INPP4B: variants seen among roughly 807,000 people sequenced by gnomAD.
INPP4B encodes the protein inositol polyphosphate 4-phosphatase type II.
Under a neutral mutation model 122.5 loss-of-function variants are expected in INPP4B, and 55 were observed. That is an observed-to-expected ratio of 0.45 (90% confidence interval 0.36 to 0.56). INPP4B has a LOEUF of 0.56. Among genes scored for constraint, INPP4B ranks in the 20% least tolerant of loss-of-function variants. The pLI, the probability that INPP4B is intolerant of heterozygous loss-of-function variation, is 0.00. For synonymous variants in INPP4B, 403 were observed against 388.7 expected, an observed-to-expected ratio of 1.04 and a Z score of -0.43; for missense variants, 1,000 against 1,097.7, an observed-to-expected ratio of 0.91 and a Z score of 1.26.
At chr4:142,265,905 A>G (rs1215957311) in intron 10 of INPP4B, among the ~76,000 whole-genome samples, 2 of 152,204 alleles carry the variant, frequency 1.3e-5, no homozygotes, top group Admixed American at 1.3e-4. Flanking sequence ...TGAAAAGAGT[A>G]TAATTTAATT....
chr4:142,407,655 A>G (rs1562032506), intron 5 of INPP4B, among the ~76,000 whole-genome samples: 1 of 152,160 alleles, frequency 6.6e-6, no homozygotes, highest in Admixed American at 6.5e-5. Context: ...CTTGGGCTGC[A>G]CTTTTTTCTT....
intron 1 of INPP4B, among the ~76,000 whole-genome samples, chr4:142,733,225 A>G (rs2150887955): frequency 6.6e-6 from 1 of 152,300 alleles, no homozygotes; most frequent in Non-Finnish European, 1.5e-5. Flanking sequence ...AGAAGAAAAT[A>G]TCTTTCCCTT....
At chr4:142,759,625 G>A (rs1481858518) in intron 1 of INPP4B, among the ~76,000 whole-genome samples, 3 of 151,790 alleles carry the variant, frequency 2.0e-5, no homozygotes, top group African/African-American at 4.8e-5. Context: ...CTGCTACTAA[G>A]TTCTAAAATT....
chr4:142,845,347 C>G (rs1158015983), intron 1 of INPP4B, among the ~76,000 whole-genome samples: 1 of 152,120 alleles, frequency 6.6e-6, no homozygotes, highest in Non-Finnish European at 1.5e-5. Context: ...CAGCTACCAG[C>G]CTGAAACTAC....
intron 23 of INPP4B, among the ~76,000 whole-genome samples, chr4:142,099,024 A>G (rs1561112554): frequency 6.6e-6 from 1 of 152,144 alleles, no homozygotes; most frequent in Non-Finnish European, 1.5e-5. Context: ...AAGCCAAGTG[A>G]CAAAAGAAGT....
chr4:142,464,283 CT>C (rs938987509), intron 2 of INPP4B, among the ~76,000 whole-genome samples: 4 of 152,030 alleles, frequency 2.6e-5, no homozygotes, highest in Non-Finnish European at 5.9e-5. Flanking sequence ...CAGTTACTAT[CT>C]TTTATAAAAT....
chr4:142,392,670 G>A (rs548599850), intron 7 of INPP4B, among the ~76,000 whole-genome samples: 11 of 152,306 alleles, frequency 7.2e-5, no homozygotes, highest in East Asian at 1.9e-4. Context: ...TATCCCTCAC[G>A]ATAGGCTCTA....
At chr4:142,736,535 T>C (rs1766930186) in intron 1 of INPP4B, among the ~76,000 whole-genome samples, 1 of 152,178 alleles carries the variant, frequency 6.6e-6, no homozygotes, top group South Asian at 2.1e-4. Flanking sequence ...GTTGGATTCC[T>C]AGGTATTTTA....
intron 7 of INPP4B, among the ~76,000 whole-genome samples, chr4:142,351,316 C>A (rs987725183): frequency 2.0e-5 from 3 of 151,988 alleles, no homozygotes; most frequent in African/African-American, 7.2e-5. Context: ...AAGCTGCATC[C>A]TACAGTTGCC....
At chr4:142,498,373 A>G (rs1179552784) in intron 2 of INPP4B, among the ~76,000 whole-genome samples, 1 of 152,012 alleles carries the variant, frequency 6.6e-6, no homozygotes, top group Non-Finnish European at 1.5e-5. Flanking sequence ...ACCACAAAGC[A>G]CTGTGATGGA....
intron 1 of INPP4B, among the ~76,000 whole-genome samples, chr4:142,773,673 C>G (rs761897591): frequency 6.6e-6 from 1 of 152,084 alleles, no homozygotes. Flanking sequence ...TTTCTGTATT[C>G]CTGAGGTTCT....
intron 2 of INPP4B, among the ~76,000 whole-genome samples, chr4:142,488,916 C>T (rs1275019097): frequency 6.6e-6 from 1 of 151,878 alleles, no homozygotes; most frequent in Non-Finnish European, 1.5e-5. Context: ...ATTTACTCTC[C>T]CTTTTCAAGC....
At position 142,670,984 on chromosome 4, in the gene INPP4B, A is replaced by C. The variant is rs559744301; in HGVS notation, c.-191+54855T>G. Among the ~76,000 whole-genome samples, 3 of 152,254 alleles carry C rather than the reference A, an allele frequency of 2.0e-5. No individual in the cohort carries two copies. The East Asian group carries it at 5.8e-4, about 29-fold the overall frequency. On this transcript the variant is annotated intron_variant, in intron 2 of 25. Transcript: ENST00000262992. ...TAGAAGCCTAGATAATTAGACATAC[A>C]GTCAGTTACAGGGAAAAAGCAAGAC...
intron 23 of INPP4B, among the ~76,000 whole-genome samples, chr4:142,087,862 G>A (rs936642769): frequency 2.0e-5 from 3 of 152,154 alleles, no homozygotes; most frequent in Non-Finnish European, 2.9e-5. Context: ...GGTTGGTAAG[G>A]TGGGAATTTC....
intron 18 of INPP4B, among the ~76,000 whole-genome samples, chr4:142,125,003 C>T (rs1284954693): frequency 1.3e-5 from 2 of 152,132 alleles, no homozygotes; most frequent in Non-Finnish European, 1.5e-5. Context: ...GCAGATCTCT[C>T]TTCTCTGCTC....
At chr4:142,810,883 TAC>T (rs1779428364) in intron 1 of INPP4B, among the ~76,000 whole-genome samples, 1 of 152,244 alleles carries the variant, frequency 6.6e-6, no homozygotes, top group Non-Finnish European at 1.5e-5. Flanking sequence ...GTGTCTTGCA[TAC>T]AAATTGTCAT....
intron 3 of INPP4B, among the ~76,000 whole-genome samples, chr4:142,439,850 G>T (rs1811308782): frequency 6.6e-6 from 1 of 152,042 alleles, no homozygotes; most frequent in Non-Finnish European, 1.5e-5. Context: ...ATTCCTAATT[G>T]ACATACCTTC....
chr4:142,393,142 G>A (rs975913528), intron 7 of INPP4B, among the ~76,000 whole-genome samples: 4 of 152,028 alleles, frequency 2.6e-5, no homozygotes, highest in Admixed American at 6.6e-5. Flanking sequence ...ATGACATGCC[G>A]AGGCTGAAAA....
rs141893535 is a variant in INPP4B at position 142,136,914 on chromosome 4, A to G, written c.1720+8926T>C. ...ACAAAGAAATGGAAGAACATTCCATACTCATGGGCAGGAAGAATCAATATC... is the reference window on the plus strand; with the variant it reads ...ACAAAGAAATGGAAGAACATTCCATGCTCATGGGCAGGAAGAATCAATATC... On this transcript the variant is annotated intron_variant, in intron 18 of 25. Coordinates refer to ENST00000262992, the MANE Select transcript of INPP4B (RefSeq NM_001101669.3). 3.2e-3 allele frequency among the ~76,000 whole-genome samples: 489 copies of G among 152,258 alleles called. 3 individuals carry two copies. Among genetic ancestry groups the G allele is most frequent in the African/African-American group, 0.011 (441 of 41,556 alleles).
Sources: allele counts gnomAD v4.1 joint callset (sites outside exome capture counted in the v4.1 genomes callset), GRCh38; gene constraint gnomAD v4.1.1; transcripts MANE v1.5; gene names NCBI Gene and HGNC (gene_info 2026-07-23, HGNC 2026-07-21).